Variants in TTC39C observed in about 807,000 individuals in gnomAD.
TTC39C encodes tetratricopeptide repeat protein 39C.
A neutral mutation model predicts 76.3 loss-of-function variants in TTC39C; 33 were observed. The observed-to-expected ratio is 0.43, with a 90% confidence interval of 0.33 to 0.58. The LOEUF (loss-of-function observed/expected upper bound fraction) is 0.58, where lower values mean the gene tolerates loss of function less well. TTC39C is among the 20% of genes least tolerant of loss of function. The pLI, the probability that TTC39C is intolerant of heterozygous loss-of-function variation, is 0.04. For synonymous variants in TTC39C, 254 were observed against 260.6 expected (o/e 0.97, Z 0.24); for missense variants, 595 against 701.4 (o/e 0.85, Z 1.71).
rs148548559 is a variant in TTC39C at position 24,114,899 on chromosome 18, A to G, written c.1078+252A>G. 1.6e-3 allele frequency: 572 copies of G among 363,568 alleles called. 3 individuals are homozygous for G. Among genetic ancestry groups the G allele is most frequent in the African/African-American group, 0.011 (520 of 47,268 alleles). The allele number at this position is 363,568 out of a possible 1,614,324, so 22.5% of individuals were successfully genotyped here. Reference sequence around the variant, plus strand: ...TGTTAAATGAATTGATTAAATGACCAGAAATACCTTATTGGACTGCATTAG... The same window carrying G: ...TGTTAAATGAATTGATTAAATGACCGGAAATACCTTATTGGACTGCATTAG... On this transcript the variant is annotated intron_variant, in intron 7 of 13. Coordinates refer to ENST00000317571, the MANE Select transcript of TTC39C (RefSeq NM_001135993.2).
intron 1 of TTC39C, among the ~76,000 whole-genome samples, chr18:24,029,783 T>G (rs8083022): frequency 0.21 from 32,571 of 152,228 alleles, 4,205 homozygotes; most frequent in East Asian, 0.59. Flanking sequence ...GTCACTTCAC[T>G]TAGAATGATG....
At chr18:24,044,934 G>C (rs938212750) in intron 1 of TTC39C, among the ~76,000 whole-genome samples, 21 of 152,106 alleles carry the variant, frequency 1.4e-4, no homozygotes, top group Admixed American at 1.4e-3. Flanking sequence ...GTGTGCTTTG[G>C]AGACCATTGG....
intron 1 of TTC39C, among the ~76,000 whole-genome samples, chr18:24,033,079 C>G (rs141018662): frequency 6.6e-6 from 1 of 152,236 alleles, no homozygotes; most frequent in African/African-American, 2.4e-5. Context: ...ATGGCGAGAG[C>G]CTGTCTCTGC....
intron 6 of TTC39C, among the ~76,000 whole-genome samples, chr18:24,087,039 G>C (rs895451334): frequency 6.6e-6 from 1 of 152,124 alleles, no homozygotes. Context: ...GTACTATACA[G>C]CTGTTTACTT....
rs1053476223 is a variant in TTC39C at position 24,118,010 on chromosome 18, C to T, written c.1079-115C>T. The T allele has an allele frequency of 4.3e-5, 29 of 678,010 alleles. No individual in the cohort carries two copies. The Middle Eastern group carries it at 1.3e-3, about 31-fold the overall frequency. 42.0% of individuals were successfully genotyped at this position (678,010 alleles called of 1,614,324 possible). A position where few individuals can be genotyped will look rare whatever the true frequency, so the allele number is the denominator to read the frequency against. Reference sequence around the variant, plus strand: ...TAGGTTTTCAGGTTAAACTTTTTTACGCATTTCATAGAACATGCACAGAGA... The same window carrying T: ...TAGGTTTTCAGGTTAAACTTTTTTATGCATTTCATAGAACATGCACAGAGA... On this transcript the variant is annotated intron_variant, in intron 7 of 13. Transcript: ENST00000317571.
At chr18:24,101,544 C>T (rs189923299) in intron 6 of TTC39C, among the ~76,000 whole-genome samples, 1 of 122,288 alleles carries the variant, frequency 8.2e-6, no homozygotes, top group Non-Finnish European at 1.8e-5. Flanking sequence ...GGCGACAGAG[C>T]GAGACTCCGT....
At chr18:24,069,351 T>C (rs557901825) in intron 4 of TTC39C, 80 bp downstream of exon 4, 40 of 1,223,250 alleles carry the variant, frequency 3.3e-5, no homozygotes, top group South Asian at 1.3e-4. Flanking sequence ...GAATGCCTTA[T>C]ATTTCAGTCT....
chr18:24,026,637 A>G (rs1181521055), intron 1 of TTC39C, among the ~76,000 whole-genome samples: 2 of 152,156 alleles, frequency 1.3e-5, no homozygotes, highest in African/African-American at 4.8e-5. Context: ...GGTGCACCAT[A>G]ACACTCCTTT....
intron 1 of TTC39C, among the ~76,000 whole-genome samples, chr18:24,057,480 T>A (rs1027285048): frequency 5.9e-5 from 9 of 152,126 alleles, no homozygotes; most frequent in Non-Finnish European, 1.3e-4. Context: ...TAAATTGATA[T>A]TCCCCCAGAG....
intron 1 of TTC39C, among the ~76,000 whole-genome samples, chr18:24,030,998 C>A (rs2083662577): frequency 6.6e-6 from 1 of 151,598 alleles, no homozygotes; most frequent in African/African-American, 2.4e-5. Flanking sequence ...GGCTGGAGTG[C>A]AGTGGCAGTG....
At chr18:24,011,909 A>C (rs901115099), upstream of TTC39C, among the ~76,000 whole-genome samples, 3 of 152,202 alleles carry the variant, frequency 2.0e-5, no homozygotes, top group African/African-American at 7.2e-5. Context: ...TTTTGCAGGA[A>C]GGTGCTGAGA....
chr18:24,001,976 C>G (rs1312034969), intron 1 of TTC39C, among the ~76,000 whole-genome samples: 1 of 152,086 alleles, frequency 6.6e-6, no homozygotes, highest in African/African-American at 2.4e-5. Flanking sequence ...CAGGCGCCCG[C>G]CACCACGCCC....
intron 1 of TTC39C, among the ~76,000 whole-genome samples, chr18:24,018,354 G>A (rs959797501): frequency 6.6e-6 from 1 of 150,502 alleles, no homozygotes; most frequent in Non-Finnish European, 1.5e-5. Context: ...AGTGCCCAGT[G>A]CTCTAGTCTA....
intron 3 of TTC39C, among the ~76,000 whole-genome samples, chr18:24,066,602 A>G (rs1031989178): frequency 6.6e-6 from 1 of 152,192 alleles, no homozygotes; most frequent in African/African-American, 2.4e-5. Context: ...ATTTCAGTGC[A>G]AAAGTGCTAG....
At chr18:24,119,200 C>T (rs1373204544) in intron 8 of TTC39C, among the ~76,000 whole-genome samples, 2 of 152,166 alleles carry the variant, frequency 1.3e-5, no homozygotes, top group Non-Finnish European at 2.9e-5. Context: ...TTGTCTGCAT[C>T]CTTCAATACC....
upstream of TTC39C, among the ~76,000 whole-genome samples, chr18:24,011,723 CAAAA>C: frequency 6.6e-6 from 1 of 152,190 alleles, no homozygotes; most frequent in African/African-American, 2.4e-5. Flanking sequence ...TGAAGAACCA[CAAAA>C]TACTGGCAAC....
chr18:24,087,602 T>TTTGTTTTTTTTTTA (rs1555774951), intron 6 of TTC39C, among the ~76,000 whole-genome samples: 4 of 151,470 alleles, frequency 2.6e-5, no homozygotes, highest in East Asian at 1.9e-4. Flanking sequence ...TGTTTTTTTT[T>TTTGTTTTTTTTTTA]GAGACAGAGT....
At chr18:24,053,965 A>C (rs1275634215) in intron 1 of TTC39C, among the ~76,000 whole-genome samples, 1 of 152,244 alleles carries the variant, frequency 6.6e-6, no homozygotes, top group Non-Finnish European at 1.5e-5. Flanking sequence ...TTTTTAAATA[A>C]GAGAATGAGC....
intron 1 of TTC39C, among the ~76,000 whole-genome samples, chr18:24,026,971 G>C (rs2083606448): frequency 6.6e-6 from 1 of 152,180 alleles, no homozygotes; most frequent in Non-Finnish European, 1.5e-5. Flanking sequence ...CCAAATTCAA[G>C]TTGAATTTGC....
Sources: allele counts gnomAD v4.1 joint callset (sites outside exome capture counted in the v4.1 genomes callset), GRCh38; gene constraint gnomAD v4.1.1; transcripts MANE v1.5; gene names NCBI Gene and HGNC (gene_info 2026-07-23, HGNC 2026-07-21).